GNAL: variants seen among roughly 807,000 people sequenced by gnomAD.
The protein encoded by GNAL is G protein subunit alpha L.
In GNAL, 18 loss-of-function variants were observed where a neutral mutation model predicts 55.1. That is an observed-to-expected ratio of 0.33 (90% CI 0.23 to 0.48). The LOEUF (loss-of-function observed/expected upper bound fraction) is 0.48. Ranked by LOEUF, GNAL falls within the 20% of genes least tolerant of loss-of-function variation. The pLI is 0.99. For missense variants in GNAL, 412 were observed against 614.1 expected (o/e 0.67, Z 3.48); for synonymous variants, 253 against 237.0 (o/e 1.07, Z -0.62).
At position 11,883,052 on chromosome 18, in the gene GNAL, C is replaced by T. The variant is rs2036750090; in HGVS notation, c.*1917C>T. The T allele has an allele frequency of 6.6e-6, 1 of 151,580 alleles. No homozygotes were observed. The highest frequency in any genetic ancestry group is 6.6e-5 in the Admixed American group (1 of 15,178). The allele number at this position is 151,580 out of a possible 1,614,324, so 9.4% of individuals were successfully genotyped here. ...GACAGCCTACATTACTTCATTATTA[C>T]TCTTCTTTTAGTCTTTAGTCTTTAA... On this transcript the variant is annotated 3_prime_UTR_variant, in exon 12 of 12. Coordinates refer to ENST00000334049, the MANE Select transcript of GNAL (RefSeq NM_182978.4).
intron 1 of GNAL, among the ~76,000 whole-genome samples, chr18:11,743,431 T>C (rs1180982153): frequency 6.6e-6 from 1 of 152,088 alleles, no homozygotes; most frequent in Admixed American, 6.6e-5. Flanking sequence ...TATACTAAAA[T>C]ATGTTTGTGA....
intron 5 of GNAL, among the ~76,000 whole-genome samples, chr18:11,825,420 A>G (rs945523070): frequency 9.9e-5 from 15 of 152,204 alleles, no homozygotes; most frequent in African/African-American, 3.6e-4. Context: ...TAATGTGATC[A>G]TTCTGTACAC....
At chr18:11,795,246 A>C (rs1284892988) in intron 4 of GNAL, among the ~76,000 whole-genome samples, 4 of 152,210 alleles carry the variant, frequency 2.6e-5, no homozygotes, top group Admixed American at 6.5e-5. Flanking sequence ...CAAAAATTAC[A>C]ATAAATTAAC....
At chr18:11,750,903 A>G (rs910292630) in intron 1 of GNAL, among the ~76,000 whole-genome samples, 1 of 152,080 alleles carries the variant, frequency 6.6e-6, no homozygotes, top group African/African-American at 2.4e-5. Flanking sequence ...GGTTGAAGCA[A>G]GAGTGGAGAG....
At chr18:11,774,892 G>A (rs1355696048) in intron 4 of GNAL, among the ~76,000 whole-genome samples, 5 of 152,184 alleles carry the variant, frequency 3.3e-5, no homozygotes, top group Admixed American at 3.3e-4. Flanking sequence ...AAGTCTTATT[G>A]AGGAAATAAT....
At chr18:11,800,413 CA>C (rs2034493817) in intron 4 of GNAL, among the ~76,000 whole-genome samples, 1 of 152,188 alleles carries the variant, frequency 6.6e-6, no homozygotes, top group African/African-American at 2.4e-5. Flanking sequence ...ATTATCCTCT[CA>C]CTGGTCATAA....
intron 4 of GNAL, among the ~76,000 whole-genome samples, chr18:11,808,992 C>T (rs1329954632): frequency 3.3e-5 from 5 of 152,172 alleles, no homozygotes; most frequent in South Asian, 2.1e-4. Flanking sequence ...CATGGTGGCT[C>T]GTGCCTATAA....
intron 1 of GNAL, among the ~76,000 whole-genome samples, chr18:11,715,192 G>C (rs1367445047): frequency 6.6e-6 from 1 of 151,712 alleles, no homozygotes; most frequent in African/African-American, 2.4e-5. Context: ...GGGCGCGGTG[G>C]CTCACGCCTG....
At chr18:11,706,045 T>G (rs369105852) in intron 1 of GNAL, among the ~76,000 whole-genome samples, 1 of 152,164 alleles carries the variant, frequency 6.6e-6, no homozygotes, top group African/African-American at 2.4e-5. Context: ...TATGTCTTCT[T>G]TAAGAAGACA....
At chr18:11,864,095 T>C (rs1469623183) in intron 6 of GNAL, among the ~76,000 whole-genome samples, 1 of 150,904 alleles carries the variant, frequency 6.6e-6, no homozygotes, top group African/African-American at 2.5e-5. Flanking sequence ...TCTTTTTTTT[T>C]TTTTTTTTTT....
At chr18:11,866,067 G>C (rs2036256675) in intron 7 of GNAL, among the ~76,000 whole-genome samples, 1 of 149,988 alleles carries the variant, frequency 6.7e-6, no homozygotes, top group Non-Finnish European at 1.5e-5. Context: ...TGTCAGGCTG[G>C]ATAAAAGCCA....
intron 11 of GNAL, among the ~76,000 whole-genome samples, chr18:11,878,394 T>A (rs916479534): frequency 2.0e-5 from 3 of 152,174 alleles, no homozygotes; most frequent in African/African-American, 7.2e-5. Context: ...GAGGTGGCAG[T>A]GAGCTATGAT....
chr18:11,869,183 A>G (rs1051562342), intron 9 of GNAL, among the ~76,000 whole-genome samples: 5 of 151,428 alleles, frequency 3.3e-5, no homozygotes, highest in Admixed American at 6.6e-5. Flanking sequence ...TCGCTGTGTC[A>G]CCCAGGCTGG....
chr18:11,775,956 TGGGATGTTTG>T (rs912441602), intron 4 of GNAL, among the ~76,000 whole-genome samples: 5 of 152,242 alleles, frequency 3.3e-5, no homozygotes, highest in Admixed American at 1.3e-4. Context: ...TGTCATTAAC[TGGGATGTTTG>T]CTCACCTAGC....
At chr18:11,746,716 G>T in intron 1 of GNAL, 1 of 286,316 alleles carries the variant, frequency 3.5e-6, no homozygotes, top group South Asian at 3.6e-5. Context: ...CTCTGGCTTG[G>T]TTGCTGCCAC....
At chr18:11,699,561 G>T (rs113656826) in intron 1 of GNAL, among the ~76,000 whole-genome samples, 71 of 151,352 alleles carry the variant, frequency 4.7e-4, no homozygotes, top group Non-Finnish European at 7.4e-4. Flanking sequence ...TTTTTTGAGG[G>T]GGGGGGTTGG....
chr18:11,723,596 G>A (rs2032146561), intron 1 of GNAL, among the ~76,000 whole-genome samples: 1 of 152,240 alleles, frequency 6.6e-6, no homozygotes, highest in South Asian at 2.1e-4. Flanking sequence ...AGGAACCTCA[G>A]CAGGTCCTTC....
chr18:11,754,885 T>G (rs1396203636), intron 4 of GNAL, among the ~76,000 whole-genome samples: 1 of 152,206 alleles, frequency 6.6e-6, no homozygotes, highest in Non-Finnish European at 1.5e-5. Context: ...AGAATATACA[T>G]TTCTTTAAAA....
chr18:11,815,866 T>G (rs2034941774), intron 4 of GNAL, among the ~76,000 whole-genome samples: 1 of 152,072 alleles, frequency 6.6e-6, no homozygotes, highest in African/African-American at 2.4e-5. Flanking sequence ...GAGCCAACAG[T>G]TTCATAAAAG....
Sources: gnomAD v4.1 joint callset for allele counts (sites outside exome capture counted in the v4.1 genomes callset) on GRCh38, gnomAD v4.1.1 for gene constraint, MANE v1.5 for transcripts, NCBI Gene and HGNC (gene_info 2026-07-23, HGNC 2026-07-21) for gene names.